Variants in C13orf42 observed in about 807,000 individuals in gnomAD.
The protein encoded by C13orf42 is chromosome 13 open reading frame 42.
chr13:51,149,814 T>C (rs1419018771), intron 1 of C13orf42, among the ~76,000 whole-genome samples: 1 of 152,192 alleles, frequency 6.6e-6, no homozygotes, highest in Non-Finnish European at 1.5e-5. Flanking sequence ...CCTTCCTCTG[T>C]AGGAAGGCTT....
At chr13:51,089,727 C>A (rs1342982759) in intron 1 of C13orf42, among the ~76,000 whole-genome samples, 2 of 151,880 alleles carry the variant, frequency 1.3e-5, no homozygotes, top group African/African-American at 4.8e-5. Flanking sequence ...CATTGGTCAC[C>A]TCTCCACCTG....
chr13:51,160,923 A>T (rs1953859326), intron 1 of C13orf42, among the ~76,000 whole-genome samples: 4 of 150,434 alleles, frequency 2.7e-5, no homozygotes, highest in Admixed American at 2.7e-4. Flanking sequence ...CTGCCAGCAT[A>T]GTAAGAAAAA....
chr13:51,131,216 C>T (rs1484134056), intron 1 of C13orf42, among the ~76,000 whole-genome samples: 1 of 152,166 alleles, frequency 6.6e-6, no homozygotes, highest in African/African-American at 2.4e-5. Flanking sequence ...ATATTTGTTT[C>T]TCTCTACCTG....
chr13:51,163,880 A>G (rs1011215455), intron 1 of C13orf42, among the ~76,000 whole-genome samples: 1 of 152,110 alleles, frequency 6.6e-6, no homozygotes, highest in Non-Finnish European at 1.5e-5. Context: ...AAAATGAAAC[A>G]CCGCAAGTGT....
chr13:51,102,931 C>T (rs984588086), intron 1 of C13orf42, among the ~76,000 whole-genome samples: 3 of 152,164 alleles, frequency 2.0e-5, no homozygotes, highest in Non-Finnish European at 4.4e-5. Flanking sequence ...AACCTGATCC[C>T]ATGAGAACTC....
chr13:51,167,864 G>A (rs777387345), intron 1 of C13orf42, among the ~76,000 whole-genome samples: 47 of 152,284 alleles, frequency 3.1e-4, no homozygotes, highest in Admixed American at 1.0e-3. Flanking sequence ...TGGTTGTATT[G>A]TACATCCTGC....
intron 1 of C13orf42, among the ~76,000 whole-genome samples, chr13:51,142,006 C>G (rs1953699620): frequency 6.6e-6 from 1 of 152,158 alleles, no homozygotes; most frequent in Non-Finnish European, 1.5e-5. Flanking sequence ...CTGCCAAATA[C>G]TATAAGGTGT....
intron 1 of C13orf42, among the ~76,000 whole-genome samples, chr13:51,126,408 ACT>A (rs981354575): frequency 6.6e-6 from 1 of 152,086 alleles, no homozygotes; most frequent in African/African-American, 2.4e-5. Context: ...TTCAGGCAAA[ACT>A]CTATCTTTAA....
intron 1 of C13orf42, among the ~76,000 whole-genome samples, chr13:51,098,525 A>G: frequency 6.6e-6 from 1 of 152,082 alleles, no homozygotes; most frequent in East Asian, 1.9e-4. Context: ...CACATCGCAC[A>G]CTGTATTAAT....
At chr13:51,147,896 G>T (rs1354704207) in intron 1 of C13orf42, among the ~76,000 whole-genome samples, 2 of 152,090 alleles carry the variant, frequency 1.3e-5, no homozygotes, top group Non-Finnish European at 2.9e-5. Context: ...TAATAAAACG[G>T]CTCAGTTGAT....
At chr13:51,136,067 C>T (rs776565636) in intron 1 of C13orf42, among the ~76,000 whole-genome samples, 6 of 152,090 alleles carry the variant, frequency 3.9e-5, no homozygotes, top group Non-Finnish European at 7.4e-5. Flanking sequence ...CCCATCCATC[C>T]GCAAACTTCC....
At chr13:51,132,645 C>T (rs899272449) in intron 1 of C13orf42, among the ~76,000 whole-genome samples, 4 of 152,032 alleles carry the variant, frequency 2.6e-5, no homozygotes, top group African/African-American at 7.3e-5. Flanking sequence ...AATGATGGAT[C>T]TTCATCCCTC....
chr13:51,100,991 G>C (rs762281494), intron 1 of C13orf42, among the ~76,000 whole-genome samples: 6 of 152,100 alleles, frequency 3.9e-5, no homozygotes, highest in Non-Finnish European at 8.8e-5. Context: ...ACTGAGAAAA[G>C]AATACAAAGA....
chr13:51,158,891 A>G (rs1451969753), intron 1 of C13orf42, among the ~76,000 whole-genome samples: 1 of 152,234 alleles, frequency 6.6e-6, no homozygotes, highest in Non-Finnish European at 1.5e-5. Context: ...CTGCTCGTTA[A>G]AGAGAATGTT....
intron 1 of C13orf42, among the ~76,000 whole-genome samples, chr13:51,107,816 A>G (rs1055293291): frequency 1.3e-5 from 2 of 152,242 alleles, no homozygotes; most frequent in Non-Finnish European, 2.9e-5. Context: ...GGAGACGCAC[A>G]TTTTAACAAA....
At chr13:51,093,327 C>T (rs1566123712) in intron 1 of C13orf42, among the ~76,000 whole-genome samples, 1 of 152,176 alleles carries the variant, frequency 6.6e-6, no homozygotes, top group Non-Finnish European at 1.5e-5. Context: ...ATAACTGGTC[C>T]TCAGATCTGG....
upstream of C13orf42, among the ~76,000 whole-genome samples, chr13:51,111,827 C>G (rs1001939436): frequency 3.3e-5 from 5 of 152,048 alleles, no homozygotes; most frequent in African/African-American, 1.2e-4. Flanking sequence ...CGCAGATCCC[C>G]CCGATAAGCT....
At chr13:51,125,420 T>C (rs984154532) in intron 1 of C13orf42, among the ~76,000 whole-genome samples, 2 of 152,188 alleles carry the variant, frequency 1.3e-5, no homozygotes, top group African/African-American at 4.8e-5. Context: ...GCATAGATTA[T>C]GCTTGTCGAG....
At chr13:51,156,706 A>G (rs186860522) in intron 1 of C13orf42, among the ~76,000 whole-genome samples, 10 of 152,364 alleles carry the variant, frequency 6.6e-5, no homozygotes, top group African/African-American at 2.4e-4. Flanking sequence ...AGCACTTAGA[A>G]CTGAATAGGT....
Sources: gnomAD v4.1 joint callset for allele counts (sites outside exome capture counted in the v4.1 genomes callset) on GRCh38, gnomAD v4.1.1 for gene constraint, MANE v1.5 for transcripts, NCBI Gene and HGNC (gene_info 2026-07-23, HGNC 2026-07-21) for gene names.